Variants in CLASP2 observed in about 807,000 individuals in gnomAD.
The protein encoded by CLASP2 is cytoplasmic linker associated protein 2.
CLASP2 carries 47 observed loss-of-function variants against 194.4 expected under a neutral mutation model. The observed-to-expected ratio is 0.24, with a 90% confidence interval of 0.19 to 0.31. The LOEUF is 0.31. CLASP2 is among the 10% of genes least tolerant of loss of function. CLASP2 has a pLI of 1.00. For synonymous variants in CLASP2, 619 were observed against 633.5 expected (o/e 0.98, Z 0.34); for missense variants, 1,445 against 1,823.6 (o/e 0.79, Z 3.78).
chr3:33,557,252 G>C (rs1350540932), intron 29 of CLASP2, among the ~76,000 whole-genome samples: 1 of 152,208 alleles, frequency 6.6e-6, no homozygotes, highest in African/African-American at 2.4e-5. Flanking sequence ...GGGATTACAG[G>C]TGTGAGCCAC....
intron 26 of CLASP2, among the ~76,000 whole-genome samples, chr3:33,569,574 G>A (rs1353683161): frequency 6.6e-6 from 1 of 152,066 alleles, no homozygotes; most frequent in Non-Finnish European, 1.5e-5. Context: ...GCTGTAATCA[G>A]TGATAGCAAT....
intron 6 of CLASP2, among the ~76,000 whole-genome samples, chr3:33,679,537 A>G (rs1323765251): frequency 1.3e-5 from 2 of 152,232 alleles, no homozygotes; most frequent in African/African-American, 4.8e-5. Context: ...AAAACTCAAC[A>G]ATAAGGAAGT....
rs777340686 is a variant in CLASP2 at position 33,584,852 on chromosome 3, C to T, written c.2137G>A (p.Val713Ile). 4 of 1,613,848 alleles carry T rather than the reference C, an allele frequency of 2.5e-6. No homozygotes were observed. The highest frequency in any genetic ancestry group is 3.4e-6 in the Non-Finnish European group (4 of 1,179,866). The change falls in exon 22 of 39, where the codon GTT (valine) becomes ATT (isoleucine). Residue 713 changes from valine to isoleucine, a missense_variant. Val to Ile is a conservative substitution (Grantham distance 29, BLOSUM62 3). Around this residue, in one of 4 missense-constraint regions of CLASP2, gnomAD observed 732 missense variants for 987.9 expected, o/e 0.74. Coordinates refer to ENST00000682230, the MANE Select transcript of CLASP2 (RefSeq NM_001365631.1). ...TTALSTVSSG[V>I]QRVLVNSASA... Reference sequence around the variant, plus strand: ...GCTGAATTGACCAGGACTCTTTGAACACCAGAGCTCACAGTGGACAGGGCT... The same window carrying T: ...GCTGAATTGACCAGGACTCTTTGAATACCAGAGCTCACAGTGGACAGGGCT...
Position 33,541,285 on chromosome 3 carries a change from TATACACCACGGA to T in CLASP2, c.3404+2136_3404+2147del, listed in dbSNP as rs961371779. Among the ~76,000 whole-genome samples, 55 of 152,278 alleles carry T rather than the reference TATACACCACGGA, an allele frequency of 3.6e-4. 2 individuals are homozygous for T. Among genetic ancestry groups the T allele is most frequent in the Admixed American group, 1.8e-3 (28 of 15,296 alleles). ...GACTGGATAAAGAAAATGTGGTATCTATACACCACGGAATACACCACAGCCAGCCCCAACTCC... is the reference window on the plus strand; with the variant it reads ...GACTGGATAAAGAAAATGTGGTATCTATACACCACAGCCAGCCCCAACTCC... On this transcript the variant is annotated intron_variant, in intron 32 of 38. Transcript: ENST00000682230.
At chr3:33,574,374 T>C in intron 24 of CLASP2, 3 of 718,660 alleles carry the variant, frequency 4.2e-6, no homozygotes, top group Admixed American at 3.1e-5. Flanking sequence ...GGATTTTACT[T>C]CTACTTTGAT....
intron 6 of CLASP2, among the ~76,000 whole-genome samples, chr3:33,664,994 G>T (rs1026892068): frequency 6.6e-6 from 1 of 152,024 alleles, no homozygotes; most frequent in Non-Finnish European, 1.5e-5. Flanking sequence ...CCAGCTACTA[G>T]GGAGGCTGAG....
At chr3:33,637,120 A>T (rs913277539) in intron 8 of CLASP2, among the ~76,000 whole-genome samples, 3 of 152,266 alleles carry the variant, frequency 2.0e-5, no homozygotes, top group African/African-American at 7.2e-5. Flanking sequence ...AATAAATAAC[A>T]TCACAAAGAA....
At chr3:33,619,501 G>C (rs1240298837) in intron 12 of CLASP2, 102 bp downstream of exon 12, 172 of 1,016,988 alleles carry the variant, frequency 1.7e-4, no homozygotes, top group Non-Finnish European at 2.2e-4. Flanking sequence ...GACTTACATT[G>C]AGAGAGAGGG....
chr3:33,574,441 CATAAG>C lies in CLASP2; in HGVS notation c.2455-1092_2455-1088del, dbSNP rs1270718241. The stretch of plus-strand genomic sequence containing the variant: ...ATGAAAGAAAAAAAAGTTATGGTAT[CATAAG>C]ATGTCAGAAAATAGCAATGTCTATA... On this transcript the variant is annotated intron_variant, in intron 24 of 38. Coordinates refer to ENST00000682230, the MANE Select transcript of CLASP2 (RefSeq NM_001365631.1). 3 of 1,385,808 alleles carry C rather than the reference CATAAG, an allele frequency of 2.2e-6. No homozygotes were observed. The South Asian group carries it at 4.2e-5, about 19-fold the overall frequency. 85.8% of individuals were successfully genotyped at this position (1,385,808 alleles called of 1,614,324 possible).
intron 7 of CLASP2, chr3:33,645,486 G>A (rs748409665): frequency 3.4e-6 from 2 of 588,612 alleles, no homozygotes; most frequent in Non-Finnish European, 6.0e-6. Flanking sequence ...CCTGCCCTAG[G>A]TGCTGTAACA....
chr3:33,645,857 A>C (rs938795348), intron 7 of CLASP2, among the ~76,000 whole-genome samples: 2 of 151,946 alleles, frequency 1.3e-5, no homozygotes, highest in African/African-American at 4.8e-5. Context: ...ATGATTCTAC[A>C]AGGCTCCTTT....
chr3:33,642,325 T>C (rs993478015), intron 8 of CLASP2, among the ~76,000 whole-genome samples: 1 of 151,914 alleles, frequency 6.6e-6, no homozygotes, highest in Non-Finnish European at 1.5e-5. Context: ...ATGAATAATT[T>C]TCAATTAATA....
chr3:33,519,291 G>A (rs559043841), intron 34 of CLASP2, among the ~76,000 whole-genome samples: 2 of 152,190 alleles, frequency 1.3e-5, no homozygotes, highest in African/African-American at 4.8e-5. Context: ...ATAGTTCCTA[G>A]TAAACTTTAC....
intron 34 of CLASP2, among the ~76,000 whole-genome samples, chr3:33,534,808 T>C (rs1339789471): frequency 6.6e-6 from 1 of 152,318 alleles, no homozygotes. Flanking sequence ...ACTTTCCTTA[T>C]ATTTCGTCCT....
chr3:33,502,569 T>G (rs891767173), intron 37 of CLASP2: 3 of 152,220 alleles, frequency 2.0e-5, no homozygotes, highest in African/African-American at 7.2e-5. Flanking sequence ...TTGACCAACA[T>G]CTTCCCTTTC....
intron 6 of CLASP2, among the ~76,000 whole-genome samples, chr3:33,676,037 C>T (rs1193729884): frequency 2.0e-5 from 3 of 151,854 alleles, no homozygotes; most frequent in Non-Finnish European, 1.5e-5. Context: ...CAATGCCATC[C>T]CCATCAAGCT....
At chr3:33,570,693 A>C (rs1464708549) in intron 26 of CLASP2, 34 bp downstream of exon 26, 4 of 1,579,154 alleles carry the variant, frequency 2.5e-6, no homozygotes, top group Non-Finnish European at 2.6e-6. Flanking sequence ...ATGATACCCT[A>C]TAGAAATAAA....
Position 33,501,659 on chromosome 3 carries a change from C to T in CLASP2, c.4427G>A (p.Gly1476Asp). ...CACAGCAGCACTACTTACTTTACTG[C>T]CAGTAAGTTGACTGAGATGTGGTTT... is the stretch of plus-strand genomic sequence containing the variant. ...ELKPHLSQLT[G>D]SKMKLLNLYI... The change falls in exon 38 of 39, where the codon GGC becomes GAC. Residue 1476 changes from glycine to aspartate, a missense_variant. Physicochemically the swap from Gly to Asp is moderately conservative, Grantham distance 94. This residue lies in a region of CLASP2 where 732 missense variants were observed against 987.9 expected (regional missense o/e 0.74). Coordinates refer to ENST00000682230, the MANE Select transcript of CLASP2 (RefSeq NM_001365631.1). 1.9e-6 allele frequency: 3 copies of T among 1,598,116 alleles called. No homozygotes were observed. Among genetic ancestry groups the T allele is most frequent in the East Asian group, 4.5e-5 (2 of 44,824 alleles).
intron 31 of CLASP2, 98 bp from the exon 32 acceptor site, chr3:33,543,637 A>G: frequency 1.4e-6 from 1 of 707,656 alleles, no homozygotes; most frequent in Non-Finnish European, 2.5e-6. Context: ...GAACCATATT[A>G]AAGGGCCATA....
Sources: allele counts gnomAD v4.1 joint callset (sites outside exome capture counted in the v4.1 genomes callset), GRCh38; gene constraint gnomAD v4.1.1; regional missense constraint gnomAD v4.1.1; transcripts MANE v1.5; gene names NCBI Gene and HGNC (gene_info 2026-07-23, HGNC 2026-07-21).